The following ZNF215 variants were observed in gnomAD, a reference collection of about 807,000 sequenced individuals.
ZNF215 encodes zinc finger protein 215.
A neutral mutation model predicts 27.2 loss-of-function variants in ZNF215; 24 were observed. That is an observed-to-expected ratio of 0.88 (90% CI 0.64 to 1.24). The LOEUF (loss-of-function observed/expected upper bound fraction) is 1.24, where lower values mean the gene tolerates loss of function less well. Among genes scored for constraint, ZNF215 ranks in the 50% most tolerant of loss-of-function variants. ZNF215 has a pLI of 0.00. For synonymous variants in ZNF215, 210 were observed against 204.0 expected, an observed-to-expected ratio of 1.03 and a Z score of -0.25; for missense variants, 675 against 605.7, an observed-to-expected ratio of 1.11 and a Z score of -1.20.
intron 3 of ZNF215, among the ~76,000 whole-genome samples, chr11:6,940,912 CTT>C (rs1005311091): frequency 6.6e-6 from 1 of 152,176 alleles, no homozygotes; most frequent in African/African-American, 2.4e-5. Context: ...TGTTTCTACT[CTT>C]TATTTCACCG....
chr11:6,952,122 T>G (rs1850095721), intron 6 of ZNF215, among the ~76,000 whole-genome samples: 1 of 152,214 alleles, frequency 6.6e-6, no homozygotes, highest in Non-Finnish European at 1.5e-5. Flanking sequence ...TTTCTATTCT[T>G]TTACATTTGC....
chr11:6,974,733 C>T (rs543095254), intron 5 of ZNF215, among the ~76,000 whole-genome samples: 1 of 152,202 alleles, frequency 6.6e-6, no homozygotes, highest in East Asian at 1.9e-4. Flanking sequence ...GATTTTTGCA[C>T]ATTGATTTTG....
At chr11:6,945,476 C>T (rs1849785620) in intron 6 of ZNF215, among the ~76,000 whole-genome samples, 1 of 152,140 alleles carries the variant, frequency 6.6e-6, no homozygotes, top group Non-Finnish European at 1.5e-5. Flanking sequence ...CCTCCTATTC[C>T]GTACCCTATT....
At chr11:6,958,751 A>G (rs1173938956), downstream of ZNF215, among the ~76,000 whole-genome samples, 1 of 152,166 alleles carries the variant, frequency 6.6e-6, no homozygotes, top group Non-Finnish European at 1.5e-5. Context: ...CAAAACCTCA[A>G]AAGTAGGGAA....
chr11:6,951,776 C>G (rs1850080700), intron 6 of ZNF215, among the ~76,000 whole-genome samples: 1 of 152,096 alleles, frequency 6.6e-6, no homozygotes, highest in African/African-American at 2.4e-5. Context: ...CTTCTGCTAG[C>G]TTTTGAATGC....
chr11:6,945,189 A>G (rs1210191582), intron 6 of ZNF215, among the ~76,000 whole-genome samples: 1 of 152,130 alleles, frequency 6.6e-6, no homozygotes, highest in Non-Finnish European at 1.5e-5. Context: ...TATTAATTTC[A>G]TAGGCAAATT....
intron 5 of ZNF215, among the ~76,000 whole-genome samples, chr11:6,983,786 A>G (rs1851009113): frequency 6.6e-6 from 1 of 152,170 alleles, no homozygotes; most frequent in South Asian, 2.1e-4. Context: ...AGGAAGTGCT[A>G]ATATCTCTAA....
intron 2 of ZNF215, among the ~76,000 whole-genome samples, chr11:6,929,853 T>C (rs1849190546): frequency 6.6e-6 from 1 of 151,844 alleles, no homozygotes; most frequent in South Asian, 2.1e-4. Flanking sequence ...TGGGGAGTTA[T>C]GCTGTACCTC....
intron 3 of ZNF215, among the ~76,000 whole-genome samples, chr11:6,938,995 A>G (rs560405697): frequency 5.2e-4 from 79 of 152,174 alleles, no homozygotes; most frequent in Admixed American, 3.6e-3. Context: ...TAAAGAATCA[A>G]TGTAGTGTAA....
At chr11:6,981,725 G>A (rs1384706019) in intron 5 of ZNF215, among the ~76,000 whole-genome samples, 2 of 152,052 alleles carry the variant, frequency 1.3e-5, no homozygotes, top group South Asian at 4.2e-4. Context: ...TTTTCTTCAG[G>A]GTTTTTATGG....
downstream of ZNF215, among the ~76,000 whole-genome samples, chr11:6,961,540 C>A (rs1262039884): frequency 2.0e-5 from 3 of 152,108 alleles, no homozygotes; most frequent in African/African-American, 4.8e-5. Context: ...GTTCTCTTAC[C>A]TTCACTGTCA....
intron 1 of ZNF215, among the ~76,000 whole-genome samples, chr11:6,927,214 T>A (rs1008789343): frequency 6.6e-6 from 1 of 152,202 alleles, no homozygotes; most frequent in African/African-American, 2.4e-5. Flanking sequence ...GTTTTCCCAG[T>A]CATTCCTGGC....
intron 4 of ZNF215, 116 bp from the exon 5 acceptor site, chr11:6,942,967 T>C: frequency 6.9e-7 from 1 of 1,441,332 alleles, no homozygotes; most frequent in East Asian, 2.3e-5. Context: ...CCTCAGACAT[T>C]GTCCTATCAA....
intron 6 of ZNF215, among the ~76,000 whole-genome samples, chr11:6,950,088 C>G (rs1264830049): frequency 6.6e-6 from 1 of 151,686 alleles, no homozygotes; most frequent in East Asian, 1.9e-4. Flanking sequence ...TTCCATTGAT[C>G]TATATCTCTG....
At chr11:6,953,859 G>T (rs1342045306) in intron 6 of ZNF215, among the ~76,000 whole-genome samples, 4 of 152,092 alleles carry the variant, frequency 2.6e-5, no homozygotes, top group African/African-American at 9.7e-5. Flanking sequence ...TCCCCATCTT[G>T]GTGGTTTTAT....
Position 6,957,105 on chromosome 11 carries a change from T to C in ZNF215, c.*574T>C. On this transcript the variant is annotated 3_prime_UTR_variant, in exon 7 of 7. Transcript: ENST00000278319. The stretch of plus-strand genomic sequence containing the variant: ...AATGGAGACTAGAGTTGGGAAAGGG[T>C]TATCAACTGCAATGGGAGAAGTATG... 1 of 985,576 alleles carries C rather than the reference T, an allele frequency of 1.0e-6. No homozygotes were observed. The highest frequency in any genetic ancestry group is 1.2e-6 in the Non-Finnish European group (1 of 830,036). 61.1% of individuals were successfully genotyped at this position (985,576 alleles called of 1,614,324 possible). A position where few individuals can be genotyped will look rare whatever the true frequency, so the allele number is the denominator to read the frequency against.
At position 6,955,869 on chromosome 11, in the gene ZNF215, G is replaced by A; in HGVS notation, c.892G>A (p.Glu298Lys). Residue 298 changes from glutamate to lysine, a missense_variant, in exon 7 of 7, where the codon GAG (glutamate) becomes AAG (lysine). Glu to Lys is a moderately conservative substitution (Grantham distance 56). Coordinates refer to ENST00000278319, the MANE Select transcript of ZNF215 (RefSeq NM_013250.4). ...CATTCCTGAGACAATTTACACTGAG[G>A]AGGAAGATTTTGAATGTAGTGAAAA... ...AFIPETIYTE[E>K]EDFECSENKK... 6.2e-7 allele frequency: 1 copy of A among 1,610,958 alleles called. No homozygotes were observed. The highest frequency in any genetic ancestry group is 8.5e-7 in the Non-Finnish European group (1 of 1,179,278).
intron 5 of ZNF215, among the ~76,000 whole-genome samples, chr11:6,964,994 AAAT>A (rs1426719559): frequency 2.0e-5 from 3 of 152,106 alleles, no homozygotes; most frequent in Non-Finnish European, 4.4e-5. Context: ...TCATTTACTG[AAAT>A]AATACTACCA....
At chr11:6,949,368 G>A (rs1433764589) in intron 6 of ZNF215, among the ~76,000 whole-genome samples, 1 of 152,180 alleles carries the variant, frequency 6.6e-6, no homozygotes, top group African/African-American at 2.4e-5. Flanking sequence ...CCCACCAACA[G>A]TATAAAAGTG....
Sources: allele counts gnomAD v4.1 joint callset (sites outside exome capture counted in the v4.1 genomes callset), GRCh38; gene constraint gnomAD v4.1.1; transcripts MANE v1.5; gene names NCBI Gene and HGNC (gene_info 2026-07-23, HGNC 2026-07-21).